DDHD2: variants seen among roughly 807,000 people sequenced by gnomAD.
The protein encoded by DDHD2 is DDHD domain containing 2.
A neutral mutation model predicts 91.2 loss-of-function variants in DDHD2; 62 were observed. That is an observed-to-expected ratio of 0.68 (90% confidence interval 0.55 to 0.84). DDHD2 has a LOEUF of 0.84. Among genes scored for constraint, DDHD2 ranks in the 40% least tolerant of loss-of-function variants. The pLI is 0.00. For synonymous variants in DDHD2, 271 were observed against 293.9 expected, an observed-to-expected ratio of 0.92 and a Z score of 0.80; for missense variants, 740 against 846.9, an observed-to-expected ratio of 0.87 and a Z score of 1.57.
Position 38,233,209 on chromosome 8 carries a change from G to A in DDHD2, c.215G>A (p.Ser72Asn). Residue 72 changes from serine to asparagine, a missense_variant, in exon 2 of 18, where the codon AGC (serine) becomes AAC (asparagine). Physicochemically the swap from Ser to Asn is conservative, Grantham distance 46 (BLOSUM62 1). Around this residue, in one of 2 missense-constraint regions of DDHD2, gnomAD observed 693 missense variants for 764.2 expected, o/e 0.91. Coordinates refer to ENST00000397166, the MANE Select transcript of DDHD2 (RefSeq NM_015214.3). The stretch of plus-strand genomic sequence containing the variant: ...TCACAGCAGCTGGAAGAGGCATATA[G>A]CTCTGGTAGGTGAAAATTATGACTT... ...EDSQQLEEAYSSGKGCNGRVV... is the reference protein window; with the variant it reads ...EDSQQLEEAYNSGKGCNGRVV... 6.2e-7 allele frequency: 1 copy of A among 1,610,024 alleles called. No individual in the cohort carries two copies. The highest frequency in any genetic ancestry group is 8.5e-7 in the Non-Finnish European group (1 of 1,176,864).
rs1585736629 is a variant in DDHD2, at chr8:38,247,822, A to G, written c.1235A>G (p.Asp412Gly). The stretch of plus-strand genomic sequence containing the variant: ...GATATCTTTGAGAAGGAGAAAGTAG[A>G]TAAGGAAGCTCTGGTAAAAATAATC... The part of the protein sequence containing the change: ...FFDIFEKEKV[D>G]KEALALCTDR... The change falls in exon 10 of 18, where the codon GAT (aspartate) becomes GGT (glycine). Residue 412 changes from aspartate (D) to glycine (G), a missense_variant. Coordinates refer to ENST00000397166, the MANE Select transcript of DDHD2 (RefSeq NM_015214.3). 4 of 1,564,720 alleles carry G rather than the reference A, an allele frequency of 2.6e-6. No homozygotes were observed. The highest frequency in any genetic ancestry group is 3.4e-6 in the Non-Finnish European group (4 of 1,163,174).
In DDHD2 at chr8:38,260,135, A is replaced by T; in HGVS notation, c.*14A>T. ...CCTTTACAGTAAAAATGACCCATCTATGGCTGCTTAATGTAAGTTTTAAAA... is the reference window on the plus strand; with the variant it reads ...CCTTTACAGTAAAAATGACCCATCTTTGGCTGCTTAATGTAAGTTTTAAAA... On this transcript the variant is annotated 3_prime_UTR_variant, in exon 17 of 18. Coordinates refer to ENST00000397166, the MANE Select transcript of DDHD2 (RefSeq NM_015214.3). 1 of 1,560,974 alleles carries T rather than the reference A, an allele frequency of 6.4e-7. No individual in the cohort carries two copies. The highest frequency in any genetic ancestry group is 8.8e-7 in the Non-Finnish European group (1 of 1,132,426).
chr8:38,267,970 A>G, intron 1 of DDHD2: 1 of 1,614,026 alleles, frequency 6.2e-7, no homozygotes. Context: ...GCTGCAAAGC[A>G]AAGCCATTAG....
chr8:38,267,964 CAA>C (rs1807932065), intron 1 of DDHD2: 1 of 1,613,900 alleles, frequency 6.2e-7, no homozygotes, highest in East Asian at 2.2e-5. Flanking sequence ...CTGGCAGCTG[CAA>C]AGCAAAGCCA....
rs1806282194 is a variant in DDHD2 at position 38,253,601 on chromosome 8, T to G, written c.1937T>G (p.Leu646Arg). The change falls in exon 16 of 18, where the codon CTG becomes CGG. Residue 646 changes from leucine (L) to arginine (R), a missense_variant. This residue lies in a region of DDHD2 where 47 missense variants were observed against 82.6 expected (regional missense o/e 0.57). Coordinates refer to ENST00000397166, the MANE Select transcript of DDHD2 (RefSeq NM_015214.3). ...TCTGTGGCAGTTAAAGAAGAAGTCC[T>G]GCCTATCAATGTGGGGATGCTGAAT... is the stretch of plus-strand genomic sequence containing the variant. Reference protein sequence around the residue: ...ETSVAVKEEVLPINVGMLNGG... With the variant: ...ETSVAVKEEVRPINVGMLNGG... 34 of 1,614,144 alleles carry G rather than the reference T, an allele frequency of 2.1e-5. No homozygotes were observed. Among genetic ancestry groups the G allele is most frequent in the Non-Finnish European group, 2.9e-5 (34 of 1,179,980 alleles).
rs1804556821 is a variant in DDHD2 at position 38,234,592 on chromosome 8, T to G, written c.411+8T>G. 3.8e-6 allele frequency: 6 copies of G among 1,577,036 alleles called. No homozygotes were observed. Among genetic ancestry groups the G allele is most frequent in the Non-Finnish European group, 5.1e-6 (6 of 1,165,900 alleles). On this transcript the variant is annotated splice_region_variant and intron_variant, in intron 3 of 17. Transcript: ENST00000397166. ...TTCAGCCAAGTTTTAGAGGTATTCT[T>G]TTGACTCTTTTTTTACTTATTCTTT...
chr8:38,268,578 T>G, intron 1 of DDHD2: 2 of 1,464,122 alleles, frequency 1.4e-6, no homozygotes, highest in South Asian at 2.7e-5. Flanking sequence ...GGTCTCTGAG[T>G]GCGCGTAACC....
At chr8:38,263,579 C>T (rs1807203544), downstream of DDHD2, 1 of 985,352 alleles carries the variant, frequency 1.0e-6, no homozygotes, top group Non-Finnish European at 1.2e-6. Context: ...TCAAAATGCA[C>T]AGCAGTACCA....
At position 38,249,702 on chromosome 8, in the gene DDHD2, G is replaced by A. The variant is rs1291348666; in HGVS notation, c.1249-6G>A. Reference sequence around the variant, plus strand: ...AAATAAGAAAGACTTGATTTTCTATGCCTAGGCTTTATGTACAGACCGAGA... The same window carrying A: ...AAATAAGAAAGACTTGATTTTCTATACCTAGGCTTTATGTACAGACCGAGA... On this transcript the variant is annotated splice_polypyrimidine_tract_variant and splice_region_variant and intron_variant, in intron 10 of 17. Coordinates refer to ENST00000397166, the MANE Select transcript of DDHD2 (RefSeq NM_015214.3). 1 of 1,594,400 alleles carries A rather than the reference G, an allele frequency of 6.3e-7. No individual in the cohort carries two copies. Among genetic ancestry groups the A allele is most frequent in the East Asian group, 2.2e-5 (1 of 44,642 alleles).
chr8:38,235,830 G>A (rs1804678998), intron 3 of DDHD2, among the ~76,000 whole-genome samples: 1 of 149,758 alleles, frequency 6.7e-6, no homozygotes, highest in African/African-American at 2.5e-5. Context: ...GAACAGCCTG[G>A]GCAACAAAGC....
At position 38,233,061 on chromosome 8, in the gene DDHD2, T is replaced by C; in HGVS notation, c.67T>C (p.Cys23Arg). 1 of 1,614,194 alleles carries C rather than the reference T, an allele frequency of 6.2e-7. No homozygotes were observed. Among genetic ancestry groups the C allele is most frequent in the South Asian group, 1.1e-5 (1 of 91,090 alleles). Reference protein sequence around the residue: ...QSDPSPSPNSCSSFELIDMDA... With the variant: ...QSDPSPSPNSRSSFELIDMDA... ...AGATCCATCTCCGTCACCAAACTCATGTAGTTCCTTTGAGCTAATAGACAT... is the reference window on the plus strand; with the variant it reads ...AGATCCATCTCCGTCACCAAACTCACGTAGTTCCTTTGAGCTAATAGACAT... The change falls in exon 2 of 18, where the codon TGT (cysteine) becomes CGT (arginine). Residue 23 changes from cysteine to arginine, a missense_variant. Physicochemically the swap from Cys to Arg is radical, Grantham distance 180. Transcript: ENST00000397166.
At chr8:38,268,388 C>A in intron 1 of DDHD2, 1 of 1,569,736 alleles carries the variant, frequency 6.4e-7, no homozygotes, top group East Asian at 2.4e-5. Context: ...GGCTTGTCTG[C>A]TGTCTCTTGT....
intron 10 of DDHD2, among the ~76,000 whole-genome samples, chr8:38,248,496 T>C (rs1228636615): frequency 6.6e-6 from 1 of 152,050 alleles, no homozygotes; most frequent in Non-Finnish European, 1.5e-5. Flanking sequence ...ATAAGACATA[T>C]GATCCCTGAC....
intron 17 of DDHD2, chr8:38,260,371 C>G (rs1806912404): frequency 1.2e-5 from 4 of 341,612 alleles, no homozygotes; most frequent in Admixed American, 4.2e-5. Context: ...GAGATTTTGT[C>G]CAATGACACC....
rs112015768 is a variant in DDHD2 at position 38,233,248 on chromosome 8, A to G, written c.220+34A>G. ...AAATTATGACTTGGAATAGACAAAG[A>G]CTCTCCCCTCTTCAAACTATAATAT... On this transcript the variant is annotated intron_variant, in intron 2 of 17. Coordinates refer to ENST00000397166, the MANE Select transcript of DDHD2 (RefSeq NM_015214.3). 6.9e-4 allele frequency: 1,056 copies of G among 1,525,840 alleles called. 10 individuals are homozygous for G. In the African/African-American group the frequency reaches 0.012, roughly 18 times the overall value. The allele number at this position is 1,525,840 out of a possible 1,614,324, so 94.5% of individuals were successfully genotyped here. A position where few individuals can be genotyped will look rare whatever the true frequency, so the allele number is the denominator to read the frequency against.
At chr8:38,236,098 T>C (rs933206000) in intron 3 of DDHD2, among the ~76,000 whole-genome samples, 1 of 152,138 alleles carries the variant, frequency 6.6e-6, no homozygotes, top group African/African-American at 2.4e-5. Context: ...TTGCAAGCTC[T>C]GCCTCCTGGG....
At chr8:38,264,461 A>G, downstream of DDHD2, 1 of 1,548,952 alleles carries the variant, frequency 6.5e-7, no homozygotes, top group Non-Finnish European at 8.7e-7. Flanking sequence ...TCAAAACAAT[A>G]AGAATCCCCA....
chr8:38,262,151 A>G lies in DDHD2; in HGVS notation c.*1578A>G, dbSNP rs1325927726. On this transcript the variant is annotated 3_prime_UTR_variant, in exon 18 of 18. Coordinates refer to ENST00000397166, the MANE Select transcript of DDHD2 (RefSeq NM_015214.3). ...AGTGCTAAGTATGCCACTAAGTTTC[A>G]GATATATGGAATACTTTATTTTTTT... The G allele has an allele frequency of 6.6e-6, 1 of 152,178 alleles. No individual in the cohort carries two copies. The highest frequency in any genetic ancestry group is 1.5e-5 in the Non-Finnish European group (1 of 68,036). 9.4% of individuals were successfully genotyped at this position (152,178 alleles called of 1,614,324 possible). A position where few individuals can be genotyped will look rare whatever the true frequency, so the allele number is the denominator to read the frequency against.
chr8:38,237,487 TTTAA>T (rs1272750070), intron 3 of DDHD2, 47 bp from the exon 4 acceptor site: 1 of 877,256 alleles, frequency 1.1e-6, no homozygotes. Context: ...ATAGGTTCAG[TTTAA>T]TAGGAAAGCT....
Sources: allele counts gnomAD v4.1 joint callset (sites outside exome capture counted in the v4.1 genomes callset), GRCh38; gene constraint gnomAD v4.1.1; regional missense constraint gnomAD v4.1.1; transcripts MANE v1.5; gene names NCBI Gene and HGNC (gene_info 2026-07-23, HGNC 2026-07-21).